CTTNBP2NL: variants seen among roughly 807,000 people sequenced by gnomAD.
CTTNBP2NL encodes CTTNBP2 N-terminal-like protein.
Under a neutral mutation model 32.5 loss-of-function variants are expected in CTTNBP2NL, and 16 were observed. That is an observed-to-expected ratio of 0.49 (90% CI 0.33 to 0.75). CTTNBP2NL has a LOEUF of 0.75. Ranked by LOEUF, CTTNBP2NL falls within the 30% of genes least tolerant of loss-of-function variation. The probability of loss-of-function intolerance (pLI) is 0.02; values close to 1 mark genes in which losing one functional copy is unlikely to be tolerated. For synonymous variants in CTTNBP2NL, 298 were observed against 289.4 expected (o/e 1.03, Z -0.30); for missense variants, 645 against 756.0 (o/e 0.85, Z 1.72).
intron 1 of CTTNBP2NL, among the ~76,000 whole-genome samples, chr1:112,399,653 A>T (rs1251665492): frequency 1.3e-5 from 2 of 152,162 alleles, no homozygotes; most frequent in Admixed American, 1.3e-4. Flanking sequence ...TTTCCATCTA[A>T]CTGGTGTTTG....
intron 3 of CTTNBP2NL, among the ~76,000 whole-genome samples, chr1:112,433,310 G>A (rs571672034): frequency 3.9e-5 from 6 of 152,198 alleles, no homozygotes; most frequent in Admixed American, 1.3e-4. Flanking sequence ...AAAATTCCCC[G>A]TGGCTGGGCG....
rs186330364 is a variant in CTTNBP2NL, at chr1:112,423,543, C to G, written c.99+7279C>G. 3.5e-3 allele frequency among the ~76,000 whole-genome samples: 522 copies of G among 151,148 alleles called. 1 individual carries two copies. Among genetic ancestry groups the G allele is most frequent in the South Asian group, 0.015 (71 of 4,756 alleles). ...ATAAAAACCCAGCCATAATCTAGACCAGGAAAAAAAAATGCATCTTTTGTA... is the reference window on the plus strand; with the variant it reads ...ATAAAAACCCAGCCATAATCTAGACGAGGAAAAAAAAATGCATCTTTTGTA... On this transcript the variant is annotated intron_variant, in intron 3 of 5. Transcript: ENST00000271277.
chr1:112,397,864 T>G (rs1648376789), intron 1 of CTTNBP2NL, among the ~76,000 whole-genome samples: 1 of 152,256 alleles, frequency 6.6e-6, no homozygotes, highest in African/African-American at 2.4e-5. Flanking sequence ...TTTTACCTTC[T>G]TGATTAGACT....
At chr1:112,441,147 A>G (rs1649880207) in intron 3 of CTTNBP2NL, among the ~76,000 whole-genome samples, 1 of 152,202 alleles carries the variant, frequency 6.6e-6, no homozygotes, top group Admixed American at 6.5e-5. Context: ...CCACACTCCT[A>G]TCAAGACACA....
At chr1:112,392,363 C>A (rs115837216), upstream of CTTNBP2NL, among the ~76,000 whole-genome samples, 1 of 152,146 alleles carries the variant, frequency 6.6e-6, no homozygotes, top group Admixed American at 6.5e-5. Context: ...AATTTGATAG[C>A]TTGATTAATG....
chr1:112,411,037 TA>T (rs1648848145), intron 1 of CTTNBP2NL, among the ~76,000 whole-genome samples: 1 of 152,246 alleles, frequency 6.6e-6, no homozygotes, highest in Non-Finnish European at 1.5e-5. Context: ...CTTGGCCACA[TA>T]ATTCTGCCCA....
intron 3 of CTTNBP2NL, among the ~76,000 whole-genome samples, chr1:112,440,870 G>A (rs1157241537): frequency 1.3e-5 from 2 of 152,104 alleles, no homozygotes; most frequent in Non-Finnish European, 2.9e-5. Flanking sequence ...AAAGCACACT[G>A]TTTCGCAGGC....
At chr1:112,453,441 GA>G (rs1052197213) in intron 4 of CTTNBP2NL, among the ~76,000 whole-genome samples, 13 of 152,036 alleles carry the variant, frequency 8.6e-5, no homozygotes, top group Non-Finnish European at 1.6e-4. Flanking sequence ...GGGATTATGT[GA>G]AAAATGTCTC....
chr1:112,393,236 A>T (rs1436041867), upstream of CTTNBP2NL, among the ~76,000 whole-genome samples: 1 of 152,224 alleles, frequency 6.6e-6, no homozygotes, highest in Non-Finnish European at 1.5e-5. Flanking sequence ...CCAGATAGAA[A>T]CTACTATAGT....
At chr1:112,420,061 A>T (rs1649179139) in intron 3 of CTTNBP2NL, among the ~76,000 whole-genome samples, 1 of 152,132 alleles carries the variant, frequency 6.6e-6, no homozygotes, top group Non-Finnish European at 1.5e-5. Context: ...TATTTACAGT[A>T]TTCATAACCT....
At chr1:112,412,953 G>A (rs1486314176) in intron 2 of CTTNBP2NL, among the ~76,000 whole-genome samples, 13 of 152,066 alleles carry the variant, frequency 8.5e-5, no homozygotes, top group South Asian at 4.1e-4. Context: ...AAATGTTCCA[G>A]TTATTAACAT....
In CTTNBP2NL at chr1:112,412,727, C is replaced by G. The variant is rs552081014; in HGVS notation, c.-10+410C>G. On this transcript the variant is annotated intron_variant, in intron 2 of 5. Coordinates refer to ENST00000271277, the MANE Select transcript of CTTNBP2NL (RefSeq NM_018704.3). ...CACCTCCCAGGTTCAAGCGATTCTC[C>G]TGCCTCAGCCTCCTGAGTAGCTGGG... Among the ~76,000 whole-genome samples the G allele has an allele frequency of 6.0e-5, 9 of 150,138 alleles. 1 individual carries two copies. In the East Asian group the frequency reaches 1.8e-3, roughly 31 times the overall value.
intron 4 of CTTNBP2NL, among the ~76,000 whole-genome samples, chr1:112,449,433 G>A (rs1273646024): frequency 1.6e-5 from 2 of 124,574 alleles, no homozygotes; most frequent in African/African-American, 5.5e-5. Context: ...CACTTTGTAT[G>A]TTTTTTCAGT....
At chr1:112,452,731 C>T (rs1031286151) in intron 4 of CTTNBP2NL, among the ~76,000 whole-genome samples, 11 of 149,832 alleles carry the variant, frequency 7.3e-5, no homozygotes, top group African/African-American at 2.7e-4. Flanking sequence ...ACCTCGACCT[C>T]CCTGGGCTGA....
intron 3 of CTTNBP2NL, among the ~76,000 whole-genome samples, chr1:112,425,816 T>C (rs1193328613): frequency 6.6e-6 from 1 of 152,100 alleles, no homozygotes; most frequent in Non-Finnish European, 1.5e-5. Flanking sequence ...TGAGCTATAA[T>C]TGCACCACTG....
At chr1:112,432,277 G>C (rs1179461681) in intron 3 of CTTNBP2NL, among the ~76,000 whole-genome samples, 2 of 151,662 alleles carry the variant, frequency 1.3e-5, no homozygotes, top group African/African-American at 4.8e-5. Context: ...GTTTCACCGT[G>C]GTCTCGATCT....
chr1:112,456,433 CAG>C lies in CTTNBP2NL; in HGVS notation c.946_947del (p.Ser316PhefsTer37). ...ATGCTAATGTCTGTGTTTTGCCAAA[CAG>C]AGAGTTTTCCAGCAGAAAGAACCCA... On this transcript the variant is annotated frameshift_variant, in exon 6 of 6. Transcript: ENST00000271277. LOFTEE classifies it low-confidence loss of function (END_TRUNC). 6.2e-7 allele frequency: 1 copy of C among 1,614,090 alleles called. No individual in the cohort carries two copies. The highest frequency in any genetic ancestry group is 1.3e-5 in the African/African-American group (1 of 75,032).
At chr1:112,423,884 C>T (rs758102109) in intron 3 of CTTNBP2NL, among the ~76,000 whole-genome samples, 10 of 152,126 alleles carry the variant, frequency 6.6e-5, no homozygotes, top group African/African-American at 2.2e-4. Flanking sequence ...CCATCATACC[C>T]GGCTAATTTT....
intron 3 of CTTNBP2NL, among the ~76,000 whole-genome samples, chr1:112,426,940 C>T (rs1171259409): frequency 1.8e-4 from 27 of 152,220 alleles, no homozygotes. Flanking sequence ...ATTTAAAAAT[C>T]ATAAACATTT....
Sources: allele counts gnomAD v4.1 joint callset (sites outside exome capture counted in the v4.1 genomes callset), GRCh38; gene constraint gnomAD v4.1.1; transcripts MANE v1.5; gene names NCBI Gene and HGNC (gene_info 2026-07-23, HGNC 2026-07-21).